The following PRICKLE2 variants were observed in gnomAD, a reference collection of about 807,000 sequenced individuals.
PRICKLE2 encodes prickle planar cell polarity protein 2.
A neutral mutation model predicts 81.4 loss-of-function variants in PRICKLE2; 21 were observed. The observed-to-expected ratio is 0.26, with a 90% CI of 0.18 to 0.37. PRICKLE2 has a LOEUF of 0.37. Among genes scored for constraint, PRICKLE2 ranks in the 10% least tolerant of loss-of-function variants. PRICKLE2 has a pLI of 1.00. For missense variants in PRICKLE2, 940 were observed against 1,109.0 expected (o/e 0.85, Z 2.16); for synonymous variants, 456 against 421.5 (o/e 1.08, Z -1.00).
intron 1 of PRICKLE2, among the ~76,000 whole-genome samples, chr3:64,211,056 T>C (rs1413375070): frequency 2.0e-5 from 3 of 152,176 alleles, no homozygotes; most frequent in Non-Finnish European, 4.4e-5. Flanking sequence ...ATTCCTCAGA[T>C]ACATTCCCCT....
At chr3:64,211,928 T>C (rs2078795309) in intron 1 of PRICKLE2, among the ~76,000 whole-genome samples, 1 of 152,136 alleles carries the variant, frequency 6.6e-6, no homozygotes, top group African/African-American at 2.4e-5. Context: ...ATGCTGTCAC[T>C]GAGATGTTGA....
At chr3:64,131,719 A>G (rs1289590418) in intron 7 of PRICKLE2, among the ~76,000 whole-genome samples, 1 of 152,204 alleles carries the variant, frequency 6.6e-6, no homozygotes, top group Non-Finnish European at 1.5e-5. Context: ...GAGTTCACAG[A>G]TATTTTTTCT....
chr3:64,219,798 G>A (rs1292457437), intron 1 of PRICKLE2, among the ~76,000 whole-genome samples: 1 of 152,126 alleles, frequency 6.6e-6, no homozygotes, highest in Non-Finnish European at 1.5e-5. Flanking sequence ...GACAGGATTT[G>A]GACTCTAATT....
chr3:64,145,517 T>C (rs1490181465), intron 7 of PRICKLE2: 1 of 151,766 alleles, frequency 6.6e-6, no homozygotes, highest in Non-Finnish European at 1.5e-5. Flanking sequence ...TGAGCCACCA[T>C]GCCTGGCCAA....
chr3:64,128,543 C>T (rs539158061), intron 7 of PRICKLE2, among the ~76,000 whole-genome samples: 3 of 151,990 alleles, frequency 2.0e-5, no homozygotes, highest in African/African-American at 7.3e-5. Context: ...GTCAGGAGTT[C>T]GAGACCAGTC....
intron 7 of PRICKLE2, among the ~76,000 whole-genome samples, chr3:64,135,593 G>C (rs1210088749): frequency 6.6e-6 from 1 of 152,060 alleles, no homozygotes; most frequent in Non-Finnish European, 1.5e-5. Flanking sequence ...AGCCTGATTT[G>C]TGATAGCTGC....
chr3:64,173,021 C>T lies in PRICKLE2; in HGVS notation c.145-9892G>A, dbSNP rs75451657. Among the ~76,000 whole-genome samples the T allele has an allele frequency of 1.2e-3, 188 of 152,150 alleles. 1 individual carries two copies. In the East Asian group the frequency reaches 0.029, roughly 24 times the overall value. ...CTGTGCTATTCTGTTATCTGTGATA[C>T]GCAAGTGTAAGGAACTGTTGAGTGC... On this transcript the variant is annotated intron_variant, in intron 2 of 7. Coordinates refer to ENST00000638394, the MANE Select transcript of PRICKLE2 (RefSeq NM_198859.4).
At chr3:64,165,993 TG>T (rs1559552002) in intron 2 of PRICKLE2, among the ~76,000 whole-genome samples, 435 of 151,378 alleles carry the variant, frequency 2.9e-3, no homozygotes, top group Non-Finnish European at 2.8e-3. Context: ...TGTGTGTGTG[TG>T]TGTGTGTGTG....
chr3:64,167,767 C>G (rs62249936), intron 2 of PRICKLE2, among the ~76,000 whole-genome samples: 4,515 of 152,272 alleles, frequency 0.03, 79 homozygotes, highest in Non-Finnish European at 0.041. Context: ...ATTTAGAGCA[C>G]TGGTTCTCAA....
At chr3:64,189,742 T>C (rs952797985) in intron 2 of PRICKLE2, among the ~76,000 whole-genome samples, 2 of 152,198 alleles carry the variant, frequency 1.3e-5, no homozygotes, top group African/African-American at 4.8e-5. Context: ...AATAAGACAA[T>C]GTCCGTCTCT....
intron 2 of PRICKLE2, among the ~76,000 whole-genome samples, chr3:64,237,684 G>A (rs2079202574): frequency 6.6e-6 from 1 of 152,104 alleles, no homozygotes; most frequent in South Asian, 2.1e-4. Context: ...TTCTCACTTT[G>A]GGCCACGCAT....
chr3:64,132,358 G>T (rs1386584530), intron 7 of PRICKLE2, among the ~76,000 whole-genome samples: 2 of 152,180 alleles, frequency 1.3e-5, no homozygotes, highest in African/African-American at 4.8e-5. Context: ...AATGGGAAAA[G>T]ATCAGAGGGT....
intron 1 of PRICKLE2, chr3:64,200,930 A>ATT (rs61117605): frequency 0.011 from 1,325 of 119,680 alleles, 33 homozygotes; most frequent in African/African-American, 0.042. Context: ...TATGTTTTTA[A>ATT]TTTTTTTTTT....
intron 2 of PRICKLE2, among the ~76,000 whole-genome samples, chr3:64,164,754 C>T (rs1450556491): frequency 3.3e-5 from 5 of 152,132 alleles, no homozygotes; most frequent in African/African-American, 1.2e-4. Context: ...TGCCCAGGGG[C>T]AATAATGAAT....
At chr3:64,222,092 C>A (rs560083634) in intron 1 of PRICKLE2, among the ~76,000 whole-genome samples, 2 of 152,296 alleles carry the variant, frequency 1.3e-5, no homozygotes, top group Admixed American at 1.3e-4. Flanking sequence ...GCTCAACATC[C>A]AGTCAGTACC....
At chr3:64,129,194 G>A (rs2077163098) in intron 7 of PRICKLE2, among the ~76,000 whole-genome samples, 1 of 152,064 alleles carries the variant, frequency 6.6e-6, no homozygotes, top group African/African-American at 2.4e-5. Flanking sequence ...AAAAATACAA[G>A]ACTCAAGTGT....
At chr3:64,237,443 G>A (rs182202801) in intron 2 of PRICKLE2, among the ~76,000 whole-genome samples, 76 of 152,140 alleles carry the variant, frequency 5.0e-4, no homozygotes, top group East Asian at 3.7e-3. Context: ...ATCTCCGGCC[G>A]AACTCTTCTC....
At chr3:64,202,332 T>C (rs1375869960) in intron 1 of PRICKLE2, among the ~76,000 whole-genome samples, 1 of 152,202 alleles carries the variant, frequency 6.6e-6, no homozygotes, top group East Asian at 1.9e-4. Context: ...TGTAGATCAA[T>C]TTATTAATCT....
intron 2 of PRICKLE2, among the ~76,000 whole-genome samples, chr3:64,265,325 T>C (rs969572317): frequency 9.2e-5 from 14 of 152,318 alleles, no homozygotes; most frequent in African/African-American, 1.4e-4. Context: ...TAAAGTCTCA[T>C]TATATTCAAC....
Sources: gnomAD v4.1 joint callset for allele counts (sites outside exome capture counted in the v4.1 genomes callset) on GRCh38, gnomAD v4.1.1 for gene constraint, MANE v1.5 for transcripts, NCBI Gene and HGNC (gene_info 2026-07-23, HGNC 2026-07-21) for gene names.